ZMYM6: variants seen among roughly 807,000 people sequenced by gnomAD.
The protein encoded by ZMYM6 is zinc finger MYM-type protein 6.
ZMYM6 carries 90 observed loss-of-function variants against 134.0 expected under a neutral mutation model. That is an observed-to-expected ratio of 0.67 (90% CI 0.57 to 0.80). The LOEUF is 0.80. ZMYM6 is among the 30% of genes least tolerant of loss of function. The pLI, the probability that ZMYM6 is intolerant of heterozygous loss-of-function variation, is 0.00. For synonymous variants in ZMYM6, 481 were observed against 524.1 expected (o/e 0.92, Z 1.12); for missense variants, 1,362 against 1,533.9 (o/e 0.89, Z 1.87).
At chr1:35,009,212 C>T (rs1237199292) in intron 10 of ZMYM6, among the ~76,000 whole-genome samples, 1 of 152,186 alleles carries the variant, frequency 6.6e-6, no homozygotes, top group Non-Finnish European at 1.5e-5. Context: ...GATTCTCCTG[C>T]CTCAGCCTCC....
At chr1:35,029,318 A>G (rs1265983661) in intron 2 of ZMYM6, among the ~76,000 whole-genome samples, 1 of 152,166 alleles carries the variant, frequency 6.6e-6, no homozygotes, top group Non-Finnish European at 1.5e-5. Context: ...GAATAGCACA[A>G]GTTCTGGAGT....
chr1:35,010,252 C>T (rs1257743114), intron 10 of ZMYM6, among the ~76,000 whole-genome samples, 195 bp downstream of exon 10: 1 of 151,938 alleles, frequency 6.6e-6, no homozygotes, highest in Admixed American at 6.6e-5. Context: ...AACTCCCAAC[C>T]TCAAGTGATC....
chr1:35,021,621 A>G (rs1036256340), intron 2 of ZMYM6, among the ~76,000 whole-genome samples: 1 of 149,356 alleles, frequency 6.7e-6, no homozygotes, highest in Admixed American at 6.7e-5. Flanking sequence ...CTCTGCCTCA[A>G]AAAAAAAAAG....
Position 35,019,413 on chromosome 1 carries a change from C to T in ZMYM6, c.368G>A (p.Arg123Lys), listed in dbSNP as rs1185560287. The T allele has an allele frequency of 6.2e-7, 1 of 1,614,050 alleles. No individual in the cohort carries two copies. ...QLFCSTRCIT[R>K]HSSPACLPPP... ...TGGCAGGCAGGCAGGTGAAGAATGT[C>T]TGGTGATGCATCGTGTGGAGCAGAA... Residue 123 changes from arginine to lysine, a missense_variant, in exon 4 of 16, where the codon AGA (arginine) becomes AAA (lysine). By Grantham distance (26) the Arg-to-Lys change is conservative. Transcript: ENST00000357182.
chr1:35,011,207 TACA>T (rs1343933581), intron 8 of ZMYM6, among the ~76,000 whole-genome samples, 171 bp from the exon 9 acceptor site: 1 of 152,000 alleles, frequency 6.6e-6, no homozygotes, highest in East Asian at 1.9e-4. Context: ...GACTGAGAAA[TACA>T]ACATTAAAAG....
intron 15 of ZMYM6, among the ~76,000 whole-genome samples, chr1:34,991,851 T>C (rs1640681547): frequency 6.6e-6 from 1 of 152,022 alleles, no homozygotes; most frequent in African/African-American, 2.4e-5. Flanking sequence ...AATCTAAGGG[T>C]AGTGGGATTA....
Position 34,987,877 on chromosome 1 carries a change from C to A in ZMYM6, c.3205G>T (p.Glu1069Ter). 23 of 1,551,566 alleles carry A rather than the reference C, an allele frequency of 1.5e-5. No individual in the cohort carries two copies. The highest frequency in any genetic ancestry group is 2.0e-5 in the Non-Finnish European group (23 of 1,146,938). ...CTCCCTCTTGATATCCAACGTACTT[C>A]AGCATGAAGCGGTAAACTCACATGC... ...SEHVSLPLHAEVRWISRGRML... is the reference protein window; with the variant it reads ...SEHVSLPLHA Residue 1069 changes from glutamate to a stop codon, truncating the protein, a stop_gained, in exon 16 of 16, where the codon GAA becomes TAA. Coordinates refer to ENST00000357182, the MANE Select transcript of ZMYM6 (RefSeq NM_007167.4). LOFTEE classifies it high-confidence loss of function.
At chr1:35,010,409 C>T (rs1286028773) in intron 10 of ZMYM6, 38 bp downstream of exon 10, 11 of 1,576,538 alleles carry the variant, frequency 7.0e-6, no homozygotes, top group Non-Finnish European at 8.6e-6. Flanking sequence ...TGAATTATAA[C>T]AACCCATGCT....
chr1:35,024,331 T>G (rs1641366661), intron 2 of ZMYM6, among the ~76,000 whole-genome samples: 1 of 152,210 alleles, frequency 6.6e-6, no homozygotes, highest in Admixed American at 6.5e-5. Flanking sequence ...CATCCTGTAT[T>G]TTATCTGGAA....
chr1:35,025,637 C>T (rs1016754856), intron 2 of ZMYM6, among the ~76,000 whole-genome samples: 1 of 152,162 alleles, frequency 6.6e-6, no homozygotes, highest in African/African-American at 2.4e-5. Context: ...ATTCTCATAA[C>T]TTTTCTCTCC....
In ZMYM6 at chr1:35,014,841, A is replaced by T; in HGVS notation, c.651T>A (p.Ser217Arg). Reference sequence around the variant, plus strand: ...AGTGAAATTTTGAAAAACAGGCATCACTACAAAGACCATGTACCACATTTT... The same window carrying T: ...AGTGAAATTTTGAAAAACAGGCATCTCTACAAAGACCATGTACCACATTTT... ...KYQNVVHGLC[S>R]DACFSKFHST... is the part of the protein sequence containing the mutation. The change falls in exon 6 of 16, where the codon AGT becomes AGA. Residue 217 changes from serine (S) to arginine (R), a missense_variant. Ser to Arg is a moderately radical substitution (Grantham distance 110). Around this residue, in one of 3 missense-constraint regions of ZMYM6, gnomAD observed 503 missense variants for 520.8 expected, o/e 0.97. Coordinates refer to ENST00000357182, the MANE Select transcript of ZMYM6 (RefSeq NM_007167.4). The T allele has an allele frequency of 6.2e-7, 1 of 1,614,214 alleles. No individual in the cohort carries two copies. The highest frequency in any genetic ancestry group is 2.2e-5 in the East Asian group (1 of 44,880).
chr1:34,994,820 T>A (rs981694744), intron 14 of ZMYM6, among the ~76,000 whole-genome samples: 3 of 151,488 alleles, frequency 2.0e-5, no homozygotes, highest in African/African-American at 7.3e-5. Flanking sequence ...TATACAGTTG[T>A]TCCCCCTTAT....
Position 34,995,035 on chromosome 1 carries a change from A to AT in ZMYM6, c.1993-2649_1993-2648insA, listed in dbSNP as rs1313360127. On this transcript the variant is annotated intron_variant, in intron 14 of 15. Coordinates refer to ENST00000357182, the MANE Select transcript of ZMYM6 (RefSeq NM_007167.4). ...TATACTTACATACGTATATATATGT[A>AT]ATATATATACTTACATACGTATATA... 6.9e-5 allele frequency among the ~76,000 whole-genome samples: 8 copies of AT among 115,724 alleles called. No homozygotes were observed. The South Asian group carries it at 1.1e-3, about 16-fold the overall frequency. 75.9% of individuals were successfully genotyped at this position (115,724 alleles called of 152,430 possible). A position where few individuals can be genotyped will look rare whatever the true frequency, so the allele number is the denominator to read the frequency against.
chr1:35,011,404 A>G (rs1298007767), intron 8 of ZMYM6, among the ~76,000 whole-genome samples: 3 of 152,298 alleles, frequency 2.0e-5, no homozygotes, highest in East Asian at 3.9e-4. Flanking sequence ...TGCCAGGGAT[A>G]CTACATCAGG....
At chr1:34,999,405 G>GC (rs1553130294) in intron 14 of ZMYM6, among the ~76,000 whole-genome samples, 1 of 152,130 alleles carries the variant, frequency 6.6e-6, no homozygotes, top group Non-Finnish European at 1.5e-5. Context: ...CTTTAGAGGA[G>GC]TTTTTCCATA....
intron 2 of ZMYM6, among the ~76,000 whole-genome samples, chr1:35,021,161 G>C (rs1228491772): frequency 6.7e-6 from 1 of 149,924 alleles, no homozygotes; most frequent in Non-Finnish European, 1.5e-5. Context: ...TGTCACCCAG[G>C]CTGGAGTTTC....
intron 2 of ZMYM6, among the ~76,000 whole-genome samples, chr1:35,021,440 C>T (rs892811162): frequency 4.6e-5 from 7 of 151,466 alleles, no homozygotes; most frequent in East Asian, 3.9e-4. Flanking sequence ...CCACTGCACC[C>T]GGCAAAAAGG....
intron 14 of ZMYM6, among the ~76,000 whole-genome samples, chr1:35,000,193 T>G (rs746390759): frequency 6.6e-6 from 1 of 151,994 alleles, no homozygotes; most frequent in African/African-American, 2.4e-5. Context: ...CGTCCCAAAG[T>G]GCTGGGATTA....
rs187387156 is a variant in ZMYM6 at position 35,020,237 on chromosome 1, C to T, written c.178+146G>A. 3.7e-3 allele frequency: 2,166 copies of T among 586,776 alleles called. 11 individuals are homozygous for T. The highest frequency in any genetic ancestry group is 5.8e-3 in the Middle Eastern group (12 of 2,066). 36.3% of individuals were successfully genotyped at this position (586,776 alleles called of 1,614,324 possible). On this transcript the variant is annotated intron_variant, in intron 3 of 15. Coordinates refer to ENST00000357182, the MANE Select transcript of ZMYM6 (RefSeq NM_007167.4). ...TATAATCTTACTCTATTTTTTAAAA[C>T]GCTGCTGAAAACCAGCTACTCACAG... is the stretch of plus-strand genomic sequence containing the variant.
Sources: allele counts gnomAD v4.1 joint callset (sites outside exome capture counted in the v4.1 genomes callset), GRCh38; gene constraint gnomAD v4.1.1; regional missense constraint gnomAD v4.1.1; transcripts MANE v1.5; gene names NCBI Gene and HGNC (gene_info 2026-07-23, HGNC 2026-07-21).